Variants in PRKN observed in about 807,000 individuals in gnomAD.
The protein encoded by PRKN is E3 ubiquitin-protein ligase parkin.
Under a neutral mutation model 59.5 loss-of-function variants are expected in PRKN, and 56 were observed. That is an observed-to-expected ratio of 0.94 (90% CI 0.76 to 1.18). PRKN has a LOEUF of 1.18. Ranked by LOEUF, PRKN falls within the 50% of genes most tolerant of loss-of-function variation. PRKN has a pLI of 0.00. For missense variants in PRKN, 657 were observed against 596.4 expected (o/e 1.10, Z -1.06); for synonymous variants, 250 against 222.1 (o/e 1.13, Z -1.12).
intron 6 of PRKN, among the ~76,000 whole-genome samples, chr6:161,824,356 A>G (rs2128217120): frequency 6.6e-6 from 1 of 152,366 alleles, no homozygotes; most frequent in Middle Eastern, 3.4e-3. Context: ...ATTTTGGCCA[A>G]GAATATACTT....
At chr6:162,239,789 G>A (rs530499089) in intron 3 of PRKN, among the ~76,000 whole-genome samples, 9 of 150,932 alleles carry the variant, frequency 6.0e-5, no homozygotes, top group African/African-American at 2.2e-4. Flanking sequence ...GTGTTCTCAT[G>A]GCCTCCAGTG....
chr6:161,988,488 A>G (rs1366907208), intron 5 of PRKN, among the ~76,000 whole-genome samples: 1 of 152,124 alleles, frequency 6.6e-6, no homozygotes, highest in Non-Finnish European at 1.5e-5. Context: ...TCCGTCTCAA[A>G]AAAACAAAAT....
intron 3 of PRKN, among the ~76,000 whole-genome samples, chr6:162,206,858 A>G (rs2128333025): frequency 6.6e-6 from 1 of 152,320 alleles, no homozygotes; most frequent in South Asian, 2.1e-4. Flanking sequence ...ACCAGTATGT[A>G]CCAAATGAAC....
At chr6:162,365,431 T>G (rs976116497) in intron 2 of PRKN, among the ~76,000 whole-genome samples, 1 of 152,168 alleles carries the variant, frequency 6.6e-6, no homozygotes, top group African/African-American at 2.4e-5. Flanking sequence ...TTCCCCTAAT[T>G]TTTTACTGTT....
In PRKN at chr6:161,414,263, C is replaced by T. The variant is rs78283773; in HGVS notation, c.1084-27386G>A. On this transcript the variant is annotated intron_variant, in intron 9 of 11. Transcript: ENST00000366898. This position sits in a 1 kb window ranked among gnomAD's most constrained non-coding sequence, Gnocchi z 5.3. ...GATGTCAGAGCCGTGCACCCTTCTC[C>T]GGAAGGCTGGAGGGTGTTCAGCGTT... 2.4e-3 allele frequency among the ~76,000 whole-genome samples: 370 copies of T among 152,202 alleles called. 2 individuals are homozygous for T. The highest frequency in any genetic ancestry group is 8.5e-3 in the African/African-American group (353 of 41,522).
chr6:161,779,915 A>G (rs1401975069), intron 7 of PRKN, among the ~76,000 whole-genome samples: 1 of 152,186 alleles, frequency 6.6e-6, no homozygotes, highest in Non-Finnish European at 1.5e-5. Context: ...CCAACCTACA[A>G]TGAAAGAATG....
At chr6:162,063,598 G>A (rs1159006909) in intron 4 of PRKN, among the ~76,000 whole-genome samples, 3 of 137,746 alleles carry the variant, frequency 2.2e-5, no homozygotes, top group African/African-American at 7.6e-5. Context: ...AGGCTGGAGT[G>A]CAGTGGTGCG....
In PRKN at chr6:161,473,053, A is replaced by C. The variant is rs1790871425; in HGVS notation, c.1083+75801T>G. Among the ~76,000 whole-genome samples the C allele has an allele frequency of 6.6e-6, 1 of 152,134 alleles. No individual in the cohort carries two copies. Among genetic ancestry groups the C allele is most frequent in the African/African-American group, 2.4e-5 (1 of 41,434 alleles). On this transcript the variant is annotated intron_variant, in intron 9 of 11. Coordinates refer to ENST00000366898, the MANE Select transcript of PRKN (RefSeq NM_004562.3). This position sits in a 1 kb window ranked among gnomAD's most constrained non-coding sequence, Gnocchi z 4.1. ...CTGACATGCTGTTGGTGGGAATGTA[A>C]ATTGTTGCAGCCTTTATGGAAAACA... is the stretch of plus-strand genomic sequence containing the variant.
chr6:161,846,870 G>C (rs1359994177), intron 6 of PRKN, among the ~76,000 whole-genome samples: 1 of 152,152 alleles, frequency 6.6e-6, no homozygotes, highest in Admixed American at 6.5e-5. Context: ...CACATACTTA[G>C]AATAAGCAGG....
At chr6:162,362,485 TAAAATAACTGA>T (rs991461310) in intron 2 of PRKN, among the ~76,000 whole-genome samples, 1 of 152,134 alleles carries the variant, frequency 6.6e-6, no homozygotes, top group Non-Finnish European at 1.5e-5. Context: ...AAGGGCCGTG[TAAAATAACTGA>T]AAAATAATCC....
chr6:162,201,122 T>C lies in PRKN; in HGVS notation c.534+9A>G, dbSNP rs1784711472. On this transcript the variant is annotated intron_variant, in intron 4 of 11. Transcript: ENST00000366898. ...CTGGCAGTCTCATGCTGACACTGCA[T>C]TTCCTTACCTGGGTCAAGGTGAGCG... 2 of 1,613,992 alleles carry C rather than the reference T, an allele frequency of 1.2e-6. No individual in the cohort carries two copies. Among genetic ancestry groups the C allele is most frequent in the African/African-American group, 1.3e-5 (1 of 74,936 alleles).
At chr6:162,320,362 C>CAAAAAAAAAAAAAAAAAAAAAAACAA (rs55793911) in intron 2 of PRKN, among the ~76,000 whole-genome samples, 1 of 7,296 alleles carries the variant, frequency 1.4e-4, no homozygotes, top group Non-Finnish European at 2.5e-4. Flanking sequence ...TACAAAAAGC[C>CAAAAAAAAAAAAAAAAAAAAAAACAA]AAAAAAAAAA....
intron 7 of PRKN, among the ~76,000 whole-genome samples, chr6:161,634,232 T>C (rs1444172773): frequency 6.6e-6 from 1 of 152,112 alleles, no homozygotes; most frequent in Non-Finnish European, 1.5e-5. Context: ...CTGGATGAGC[T>C]GAATAAAAAG....
chr6:161,732,819 C>G (rs939690466), intron 7 of PRKN, among the ~76,000 whole-genome samples: 2 of 152,098 alleles, frequency 1.3e-5, no homozygotes, highest in Non-Finnish European at 2.9e-5. Context: ...TGCATTGTCT[C>G]GATGACCTGG....
chr6:161,900,928 A>ATATTTT (rs377615355), intron 6 of PRKN, among the ~76,000 whole-genome samples: 1 of 143,512 alleles, frequency 7.0e-6, no homozygotes, highest in Non-Finnish European at 1.5e-5. Context: ...ATATATATAT[A>ATATTTT]TTTTTTAGAT....
intron 4 of PRKN, among the ~76,000 whole-genome samples, chr6:162,184,897 G>A (rs953016804): frequency 4.6e-5 from 7 of 152,124 alleles, no homozygotes; most frequent in Admixed American, 6.5e-5. Flanking sequence ...TTAACAATAC[G>A]AGTTTCTGTC....
intron 6 of PRKN, among the ~76,000 whole-genome samples, chr6:161,874,173 T>A (rs948808501): frequency 9.5e-4 from 44 of 46,308 alleles, no homozygotes; most frequent in Non-Finnish European, 1.1e-3. Context: ...TAATATATAA[T>A]ATATATTATA....
intron 5 of PRKN, among the ~76,000 whole-genome samples, chr6:161,997,045 C>T (rs1210024495): frequency 6.6e-6 from 1 of 152,020 alleles, no homozygotes; most frequent in East Asian, 1.9e-4. Context: ...GCTTCAATTG[C>T]GTTCTCGAAT....
rs575738089 is a variant in PRKN, at chr6:162,146,114, G to A, written c.534+55017C>T. Among the ~76,000 whole-genome samples, 5 of 152,234 alleles carry A rather than the reference G, an allele frequency of 3.3e-5. No homozygotes were observed. In the East Asian group the frequency reaches 5.8e-4, roughly 18 times the overall value. On this transcript the variant is annotated intron_variant, in intron 4 of 11. Coordinates refer to ENST00000366898, the MANE Select transcript of PRKN (RefSeq NM_004562.3). ...TAGTTCTAGGAAGTCAGTGTGAAAC[G>A]GCCTTAGGATCCCTGCCTCCAGACC...
Sources: gnomAD v4.1 joint callset for allele counts (sites outside exome capture counted in the v4.1 genomes callset) on GRCh38, gnomAD v4.1.1 for gene constraint, Gnocchi (gnomAD v3.1) non-coding constraint, MANE v1.5 for transcripts, NCBI Gene and HGNC (gene_info 2026-07-23, HGNC 2026-07-21) for gene names.